OAT: variants seen among roughly 807,000 people sequenced by gnomAD.
OAT encodes the protein ornithine aminotransferase.
In OAT, 35 loss-of-function variants were observed where a neutral mutation model predicts 48.4. The ratio of observed to expected loss-of-function variants is 0.72; its 90% CI spans 0.55 to 0.96. OAT has a LOEUF of 0.96. Among genes scored for constraint, OAT ranks in the 40% least tolerant of loss-of-function variants. OAT has a pLI of 0.00. For missense variants in OAT, 438 were observed against 537.9 expected, an observed-to-expected ratio of 0.81 and a Z score of 1.84; for synonymous variants, 182 against 198.4, an observed-to-expected ratio of 0.92 and a Z score of 0.70.
intron 4 of OAT, among the ~76,000 whole-genome samples, chr10:124,408,315 G>GTATA (rs1951646442): frequency 1.5e-5 from 1 of 65,688 alleles, no homozygotes; most frequent in African/African-American, 8.0e-5. Flanking sequence ...GTGTGTGTGT[G>GTATA]TGTATATATA....
intron 5 of OAT, among the ~76,000 whole-genome samples, chr10:124,404,147 G>C (rs1241142504): frequency 6.6e-6 from 1 of 152,158 alleles, no homozygotes; most frequent in Non-Finnish European, 1.5e-5. Context: ...TGTTGCCCAG[G>C]CTGGAGTATA....
chr10:124,401,920 C>T (rs1951423586), intron 7 of OAT, 81 bp from the exon 8 acceptor site: 1 of 1,059,822 alleles, frequency 9.4e-7, no homozygotes. Context: ...GTCTCGCTGT[C>T]ACCCAGGCTT....
intron 2 of OAT, among the ~76,000 whole-genome samples, chr10:124,410,718 A>G (rs1951720649): frequency 6.6e-6 from 1 of 152,208 alleles, no homozygotes; most frequent in South Asian, 2.1e-4. Flanking sequence ...AAATCACCTG[A>G]AGCCGGGAGT....
intron 4 of OAT, among the ~76,000 whole-genome samples, chr10:124,407,719 T>G (rs1313755893): frequency 6.6e-6 from 1 of 152,236 alleles, no homozygotes; most frequent in African/African-American, 2.4e-5. Context: ...TACACATACT[T>G]GTTTTTTAAA....
chr10:124,398,939 C>A (rs1187009314), intron 9 of OAT, among the ~76,000 whole-genome samples: 1 of 152,028 alleles, frequency 6.6e-6, no homozygotes, highest in South Asian at 2.1e-4. Context: ...ATCGCTTGAA[C>A]CCAGGAAGTG....
chr10:124,403,173 A>G, intron 6 of OAT, 118 bp from the exon 7 acceptor site: 8 of 1,112,730 alleles, frequency 7.2e-6, no homozygotes, highest in Non-Finnish European at 1.1e-5. Flanking sequence ...ATGTGCCCTC[A>G]AATTTGTAAA....
At position 124,408,614 on chromosome 10, in the gene OAT, A is replaced by T. The variant is rs778350564; in HGVS notation, c.448T>A (p.Cys150Ser). Residue 150 changes from cysteine (C) to serine (S), a missense_variant, in exon 4 of 10, where the codon TGT becomes AGT. Transcript: ENST00000368845. Reference sequence around the variant, plus strand: ...TAGCCCCACTTACGAGCTAGTTTACAGGCAGTCTCTCCAGCCTCCACTCCT... The same window carrying T: ...TAGCCCCACTTACGAGCTAGTTTACTGGCAGTCTCTCCAGCCTCCACTCCT... ...NTGVEAGETA[C>S]KLARKWGYTV... The T allele has an allele frequency of 8.1e-6, 13 of 1,613,172 alleles. No homozygotes were observed. Among genetic ancestry groups the T allele is most frequent in the Non-Finnish European group, 1.1e-5 (13 of 1,179,778 alleles).
At chr10:124,406,872 G>A (rs1171832538) in intron 4 of OAT, 1 of 732,744 alleles carries the variant, frequency 1.4e-6, no homozygotes, top group Non-Finnish European at 1.7e-6. Flanking sequence ...TCCTCAGGGA[G>A]CTTCCTTTCT....
At position 124,412,293 on chromosome 10, in the gene OAT, G is replaced by A. The variant is rs572146534; in HGVS notation, c.-29-93C>T. 106 of 942,338 alleles carry A rather than the reference G, an allele frequency of 1.1e-4. No individual in the cohort carries two copies. In the East Asian group the frequency reaches 1.4e-3, roughly 12 times the overall value. The allele number at this position is 942,338 out of a possible 1,614,324, so 58.4% of individuals were successfully genotyped here. The stretch of plus-strand genomic sequence containing the variant: ...TGGGAGGCTGAGGTCAAAGGATCAC[G>A]TGAGCCCAGGAGTTTGAGACCAGCC... On this transcript the variant is annotated intron_variant, in intron 1 of 9. Transcript: ENST00000368845.
intron 1 of OAT, among the ~76,000 whole-genome samples, chr10:124,418,569 C>T (rs924550978): frequency 6.6e-6 from 1 of 152,220 alleles, no homozygotes; most frequent in Non-Finnish European, 1.5e-5. Context: ...TGCCGCCCGC[C>T]CGTCGGCCGC....
chr10:124,403,085 T>C (rs764389148), intron 6 of OAT, 30 bp from the exon 7 acceptor site: 1 of 1,613,096 alleles, frequency 6.2e-7, no homozygotes, highest in East Asian at 2.2e-5. Context: ...CCCCTATTAG[T>C]GATCACTTTC....
Position 124,405,027 on chromosome 10 carries a change from G to T in OAT, c.648+409C>A, listed in dbSNP as rs544493313. The stretch of plus-strand genomic sequence containing the variant: ...CCACTGCGCTCCAGCCTAGGTGACA[G>T]AGTGAGACTCTGTCTCAAAAAAAGA... On this transcript the variant is annotated intron_variant, in intron 5 of 9. Transcript: ENST00000368845. 1.4e-4 allele frequency among the ~76,000 whole-genome samples: 21 copies of T among 152,328 alleles called. No homozygotes were observed. In the East Asian group the frequency reaches 3.7e-3, roughly 27 times the overall value.
At chr10:124,408,303 G>A (rs1384155696) in intron 4 of OAT, among the ~76,000 whole-genome samples, 1 of 50,560 alleles carries the variant, frequency 2.0e-5, no homozygotes, top group East Asian at 6.9e-4. Flanking sequence ...GTGTGTGTGT[G>A]TGTGTGTGTG....
At chr10:124,402,837 C>T (rs960070732) in intron 7 of OAT, 90 bp downstream of exon 7, 2 of 1,519,028 alleles carry the variant, frequency 1.3e-6, no homozygotes, top group Non-Finnish European at 1.8e-6. Flanking sequence ...AATCTGAAAG[C>T]ATTGTTGTCA....
intron 1 of OAT, chr10:124,418,113 T>C (rs1320972806): frequency 4.6e-5 from 7 of 152,078 alleles, no homozygotes; most frequent in African/African-American, 1.4e-4. Context: ...GAGGTTTTCA[T>C]GCTGAAAGTC....
intron 1 of OAT, among the ~76,000 whole-genome samples, chr10:124,413,131 A>G (rs1951807496): frequency 6.6e-6 from 1 of 152,138 alleles, no homozygotes; most frequent in South Asian, 2.1e-4. Flanking sequence ...AAATATCTAA[A>G]ACTTCTGTAG....
At chr10:124,398,411 G>A (rs1379558501) in intron 9 of OAT, among the ~76,000 whole-genome samples, 1 of 152,056 alleles carries the variant, frequency 6.6e-6, no homozygotes, top group Non-Finnish European at 1.5e-5. Context: ...GGGAGACTGA[G>A]GCAGGAGAAT....
chr10:124,408,469 A>G, intron 4 of OAT, 73 bp downstream of exon 4: 1 of 1,314,204 alleles, frequency 7.6e-7, no homozygotes, highest in Non-Finnish European at 1.1e-6. Flanking sequence ...TACAGGCATG[A>G]GCCACCATGC....
intron 1 of OAT, among the ~76,000 whole-genome samples, 192 bp downstream of exon 1, chr10:124,418,681 A>G (rs1018710947): frequency 5.7e-5 from 8 of 141,396 alleles, no homozygotes; most frequent in African/African-American, 2.5e-4. Context: ...CCCGGGTCCG[A>G]GCCGCCCGCA....
Sources: allele counts gnomAD v4.1 joint callset (sites outside exome capture counted in the v4.1 genomes callset), GRCh38; gene constraint gnomAD v4.1.1; transcripts MANE v1.5; gene names NCBI Gene and HGNC (gene_info 2026-07-23, HGNC 2026-07-21).